NEB: variants seen among roughly 807,000 people sequenced by gnomAD.
NEB encodes nebulin, also known as nemaline myopathy type 2.
NEB carries 512 observed loss-of-function variants against 952.2 expected under a neutral mutation model. The observed-to-expected ratio is 0.54, with a 90% confidence interval of 0.50 to 0.58. The LOEUF (loss-of-function observed/expected upper bound fraction) is 0.58. NEB is among the 20% of genes least tolerant of loss of function. The pLI is 0.00. For missense variants in NEB, 8,428 were observed against 9,231.1 expected (o/e 0.91, Z 3.56); for synonymous variants, 2,900 against 3,149.8 (o/e 0.92, Z 2.66).
At chr2:151,684,472 C>T (rs994562271) in intron 28 of NEB, among the ~76,000 whole-genome samples, 2 of 152,058 alleles carry the variant, frequency 1.3e-5, no homozygotes, top group Non-Finnish European at 2.9e-5. Context: ...TGGCACCATG[C>T]TAAGTATTTT....
chr2:151,579,196 T>A (rs186961229), intron 105 of NEB, 142 bp downstream of exon 105: 130,089 of 580,028 alleles, frequency 0.22, 17,011 homozygotes, highest in Admixed American at 0.34. Flanking sequence ...TGAAGAAACC[T>A]GGCTGTAGGT....
intron 27 of NEB, among the ~76,000 whole-genome samples, chr2:151,686,957 TATAATCA>T (rs894727296): frequency 6.6e-6 from 1 of 152,152 alleles, no homozygotes; most frequent in Admixed American, 6.5e-5. Context: ...CAGGGGGGTT[TATAATCA>T]ATGGAGTCTT....
At chr2:151,646,277 A>T (rs376798329) in intron 54 of NEB, 43 bp from the exon 55 acceptor site, 2 of 1,373,624 alleles carry the variant, frequency 1.5e-6, no homozygotes. Context: ...TTGTTAGATT[A>T]GTGAATGATA....
At chr2:151,553,525 A>T in intron 126 of NEB, 23 bp from the exon 127 acceptor site, 4 of 1,504,964 alleles carry the variant, frequency 2.7e-6, no homozygotes, top group Non-Finnish European at 3.7e-6. Context: ...GATAGAAAGG[A>T]TCAGAAAAAA....
chr2:151,553,401 A>C lies in NEB; in HGVS notation c.19728T>G (p.Asp6576Glu). 6.2e-7 allele frequency: 1 copy of C among 1,609,128 alleles called. No individual in the cohort carries two copies. The highest frequency in any genetic ancestry group is 2.2e-5 in the East Asian group (1 of 44,852). Residue 6576 changes from aspartate to glutamate, a missense_variant, in exon 127 of 182, where the codon GAT (aspartate) becomes GAG (glutamate). Physicochemically the swap from Asp to Glu is conservative, Grantham distance 45. This residue lies in a region of NEB where 3,374 missense variants were observed against 3,651.5 expected (regional missense o/e 0.92). Transcript: ENST00000397345. ...GAACAAAACAAGGCAAACTCACATC[A>C]TCACGTAGATCATAAGCATGCTTGG... ...LHAKHAYDLR[D>E]DIKYKAHMLK...
intron 3 of NEB, among the ~76,000 whole-genome samples, chr2:151,732,485 C>T (rs1170942089): frequency 6.6e-6 from 1 of 152,102 alleles, no homozygotes; most frequent in Admixed American, 6.5e-5. Flanking sequence ...AATTCAAAAG[C>T]AAAAGCTAGT....
At chr2:151,622,048 C>T (rs2098426671) in intron 71 of NEB, among the ~76,000 whole-genome samples, 1 of 152,092 alleles carries the variant, frequency 6.6e-6, no homozygotes, top group African/African-American at 2.4e-5. Context: ...CTCACTCTGT[C>T]GCCCAGGCTG....
At chr2:151,540,658 CT>C (rs1163057603) in intron 137 of NEB, 38 bp downstream of exon 137, 1 of 1,556,960 alleles carries the variant, frequency 6.4e-7, no homozygotes, top group Non-Finnish European at 8.9e-7. Context: ...AAGTATTTTT[CT>C]TTTTACCCAG....
chr2:151,575,652 G>T, intron 107 of NEB, 43 bp downstream of exon 107: 1 of 1,348,592 alleles, frequency 7.4e-7, no homozygotes, highest in Non-Finnish European at 1.1e-6. Flanking sequence ...AGCCCTGACT[G>T]GGTAACTTTC....
At chr2:151,688,215 G>C in intron 25 of NEB, 77 bp downstream of exon 25, 1 of 1,203,040 alleles carries the variant, frequency 8.3e-7, no homozygotes, top group Non-Finnish European at 1.2e-6. Flanking sequence ...ACAATTCCTT[G>C]TCTTGTCTTT....
intron 46 of NEB, among the ~76,000 whole-genome samples, chr2:151,661,299 T>C (rs1420013685): frequency 3.9e-5 from 6 of 152,224 alleles, no homozygotes; most frequent in African/African-American, 1.2e-4. Context: ...TTGTGCCTTG[T>C]CTTTGAGGCA....
rs764993333 is a variant in NEB at position 151,502,846 on chromosome 2, G to GTGT, written c.23872_23874dup (p.Thr7958dup). ...ACTCTCTCCATCTCTGGAGTGATAG[G>GTGT]TGTTGGGATTCCTTTCCCCAAATTT... On this transcript the variant is annotated inframe_insertion, in exon 167 of 182. Coordinates refer to ENST00000397345, the MANE Select transcript of NEB (RefSeq NM_001164508.2). 1.2e-6 allele frequency: 2 copies of GTGT among 1,606,712 alleles called. No homozygotes were observed. The highest frequency in any genetic ancestry group is 4.5e-5 in the East Asian group (2 of 44,694).
chr2:151,500,353 C>T (rs988499407), intron 168 of NEB, among the ~76,000 whole-genome samples: 7 of 152,002 alleles, frequency 4.6e-5, no homozygotes, highest in African/African-American at 1.7e-4. Flanking sequence ...TTCCTAATGA[C>T]ATTTGATTCT....
At chr2:151,519,270 C>G (rs945175776) in intron 154 of NEB, among the ~76,000 whole-genome samples, 1 of 152,178 alleles carries the variant, frequency 6.6e-6, no homozygotes, top group African/African-American at 2.4e-5. Flanking sequence ...GTGGCATATA[C>G]ATACAATGGA....
intron 32 of NEB, 81 bp from the exon 33 acceptor site, chr2:151,678,268 T>A: frequency 1.2e-6 from 1 of 866,008 alleles, no homozygotes; most frequent in Non-Finnish European, 1.7e-6. Flanking sequence ...TTTGAAGTAA[T>A]TGAGCTTCCC....
At chr2:151,565,885 G>T in intron 114 of NEB, 65 bp from the exon 115 acceptor site, 1 of 1,109,220 alleles carries the variant, frequency 9.0e-7, no homozygotes, top group South Asian at 1.4e-5. Flanking sequence ...ACAGAGGGCA[G>T]GTTACAATTT....
Position 151,553,569 on chromosome 2 carries a change from A to G in NEB, c.19627-67T>C, listed in dbSNP as rs1355680060. ...CCATAATAACTTTAACACTAAAAACAGAGGTACATTCTAGACTCAGAAGGC... is the reference window on the plus strand; with the variant it reads ...CCATAATAACTTTAACACTAAAAACGGAGGTACATTCTAGACTCAGAAGGC... On this transcript the variant is annotated intron_variant, in intron 126 of 181. Transcript: ENST00000397345. 4 of 1,148,096 alleles carry G rather than the reference A, an allele frequency of 3.5e-6. No homozygotes were observed. The Admixed American group carries it at 5.8e-5, about 17-fold the overall frequency. The allele number at this position is 1,148,096 out of a possible 1,614,324, so 71.1% of individuals were successfully genotyped here. A position where few individuals can be genotyped will look rare whatever the true frequency, so the allele number is the denominator to read the frequency against.
chr2:151,639,497 CA>C, intron 62 of NEB, 113 bp from the exon 63 acceptor site: 2 of 767,552 alleles, frequency 2.6e-6, no homozygotes, highest in Non-Finnish European at 4.0e-6. Flanking sequence ...GTGTTTTATA[CA>C]CATTATGTGT....
At chr2:151,529,344 AT>A (rs1255584042) in intron 145 of NEB, 30 bp from the exon 146 acceptor site, 3 of 1,396,906 alleles carry the variant, frequency 2.1e-6, no homozygotes, top group Non-Finnish European at 3.1e-6. Context: ...GACAAGATTA[AT>A]TTTTTTATAG....
Sources: allele counts gnomAD v4.1 joint callset (sites outside exome capture counted in the v4.1 genomes callset), GRCh38; gene constraint gnomAD v4.1.1; regional missense constraint gnomAD v4.1.1; transcripts MANE v1.5; gene names NCBI Gene and HGNC (gene_info 2026-07-23, HGNC 2026-07-21).